The following LTBP1 variants were observed in gnomAD, a reference collection of about 807,000 sequenced individuals.
The protein encoded by LTBP1 is latent transforming growth factor beta binding protein 1.
A neutral mutation model predicts 207.6 loss-of-function variants in LTBP1; 129 were observed. The observed-to-expected ratio is 0.62, with a 90% CI of 0.54 to 0.72. The LOEUF is 0.72. Ranked by LOEUF, LTBP1 falls within the 30% of genes least tolerant of loss-of-function variation. The probability of loss-of-function intolerance (pLI) is 0.00; values close to 1 mark genes in which losing one functional copy is unlikely to be tolerated. For synonymous variants in LTBP1, 963 were observed against 833.7 expected (o/e 1.16, Z -2.67); for missense variants, 2,281 against 2,217.2 (o/e 1.03, Z -0.58).
At chr2:33,386,660 C>G (rs186872371) in intron 31 of LTBP1, among the ~76,000 whole-genome samples, 3 of 152,062 alleles carry the variant, frequency 2.0e-5, no homozygotes, top group African/African-American at 7.2e-5. Flanking sequence ...CCTGTCTCTA[C>G]AAAAAATAAC....
chr2:33,097,206 G>T (rs771749474), intron 3 of LTBP1, among the ~76,000 whole-genome samples: 6 of 152,094 alleles, frequency 3.9e-5, no homozygotes, highest in Non-Finnish European at 8.8e-5. Context: ...CTTTTAAATT[G>T]TGTATGTTTA....
At position 33,000,202 on chromosome 2, in the gene LTBP1, C is replaced by G. The variant is rs1438725650; in HGVS notation, c.566-20707C>G. On this transcript the variant is annotated intron_variant, in intron 2 of 33. Transcript: ENST00000404816. ...AAAGTACAGGGCTCCAGGCCTTGCC[C>G]CAGCTCCTCTAATTCAGTAGGACTG... 1.5e-5 allele frequency among the ~76,000 whole-genome samples: 2 copies of G among 135,328 alleles called. 1 individual carries two copies. The highest frequency in any genetic ancestry group is 3.3e-5 in the Non-Finnish European group (2 of 61,492). 88.8% of individuals were successfully genotyped at this position (135,328 alleles called of 152,430 possible).
chr2:33,215,547 G>C (rs2090609702), intron 7 of LTBP1, among the ~76,000 whole-genome samples: 1 of 152,046 alleles, frequency 6.6e-6, no homozygotes, highest in African/African-American at 2.4e-5. Flanking sequence ...TCAGAATGTT[G>C]CATGCTTGGA....
intron 33 of LTBP1, among the ~76,000 whole-genome samples, chr2:33,397,557 G>T (rs150523476): frequency 2.9e-5 from 4 of 140,232 alleles, no homozygotes; most frequent in Non-Finnish European, 4.5e-5. Context: ...GCCCAGGCTG[G>T]AGTGCAGTGG....
chr2:32,980,057 T>C (rs1373137475), intron 2 of LTBP1, among the ~76,000 whole-genome samples: 1 of 152,140 alleles, frequency 6.6e-6, no homozygotes, highest in African/African-American at 2.4e-5. Context: ...TCAGTCTGTG[T>C]CTTTGTAGAT....
chr2:33,332,371 CCAA>C (rs1201164044), intron 24 of LTBP1, among the ~76,000 whole-genome samples: 1 of 40,664 alleles, frequency 2.5e-5, no homozygotes, highest in African/African-American at 1.2e-4. Context: ...GACACCATCT[CCAA>C]AAAAAAAAAA....
chr2:33,157,090 A>T (rs2084036845), intron 5 of LTBP1, among the ~76,000 whole-genome samples: 2 of 152,152 alleles, frequency 1.3e-5, no homozygotes, highest in South Asian at 4.1e-4. Context: ...GGCAGACATA[A>T]TTTTCCCCCT....
chr2:33,089,862 G>T (rs760591994), intron 3 of LTBP1, among the ~76,000 whole-genome samples: 6 of 152,108 alleles, frequency 3.9e-5, no homozygotes, highest in African/African-American at 7.2e-5. Flanking sequence ...TGCAGTAAAC[G>T]TATACCAAAT....
chr2:33,344,787 G>A (rs753494244), intron 25 of LTBP1, among the ~76,000 whole-genome samples: 2 of 152,174 alleles, frequency 1.3e-5, no homozygotes, highest in South Asian at 4.1e-4. Context: ...GGCAGGGCAC[G>A]ATGCTTGGCT....
intron 9 of LTBP1, among the ~76,000 whole-genome samples, chr2:33,242,852 C>A (rs190940159): frequency 1.3e-5 from 2 of 152,324 alleles, no homozygotes; most frequent in East Asian, 3.9e-4. Flanking sequence ...TTCCTAGAGT[C>A]TGTCTTTGAG....
intron 31 of LTBP1, among the ~76,000 whole-genome samples, chr2:33,372,783 G>A (rs930705118): frequency 2.0e-5 from 3 of 152,166 alleles, no homozygotes; most frequent in Non-Finnish European, 4.4e-5. Flanking sequence ...AGAATTGCTT[G>A]AACCCAGGAG....
At chr2:33,253,022 T>G (rs528927803) in intron 11 of LTBP1, among the ~76,000 whole-genome samples, 178 bp downstream of exon 11, 1 of 152,340 alleles carries the variant, frequency 6.6e-6, no homozygotes, top group East Asian at 1.9e-4. Context: ...GGGAAAAAAT[T>G]ATGTGCAAAG....
chr2:33,073,799 G>A (rs1324354689), intron 3 of LTBP1, among the ~76,000 whole-genome samples: 1 of 152,044 alleles, frequency 6.6e-6, no homozygotes, highest in African/African-American at 2.4e-5. Flanking sequence ...GCTAATTTTT[G>A]TATTTTTAGT....
At chr2:33,109,402 A>G (rs554337525) in intron 3 of LTBP1, among the ~76,000 whole-genome samples, 1 of 152,312 alleles carries the variant, frequency 6.6e-6, no homozygotes, top group South Asian at 2.1e-4. Context: ...TTGCTGCAAA[A>G]CTGCACTGTC....
chr2:33,186,792 G>A, intron 5 of LTBP1, 64 bp from the exon 6 acceptor site: 1 of 1,296,758 alleles, frequency 7.7e-7, no homozygotes, highest in Non-Finnish European at 1.1e-6. Context: ...GGTTTTGTTG[G>A]TTGATCATTA....
rs530101649 is a variant in LTBP1 at position 33,315,285 on chromosome 2, C to T, written c.3730+16C>T. The stretch of plus-strand genomic sequence containing the variant: ...ACGTGTGAAGGTAAGATAAACCATA[C>T]GAAATCATATTGTTGTGTGATAAAA... On this transcript the variant is annotated intron_variant, in intron 24 of 33. Coordinates refer to ENST00000404816, the MANE Select transcript of LTBP1 (RefSeq NM_206943.4). 2.2e-5 allele frequency: 36 copies of T among 1,608,482 alleles called. No individual in the cohort carries two copies. The highest frequency in any genetic ancestry group is 1.7e-4 in the Middle Eastern group (1 of 6,038).
At chr2:33,341,741 T>TATATATATATAC (rs1357530340) in intron 24 of LTBP1, among the ~76,000 whole-genome samples, 2 of 144,072 alleles carry the variant, frequency 1.4e-5, no homozygotes, top group African/African-American at 5.1e-5. Context: ...TATATATATA[T>TATATATATATAC]ATATGTATAT....
chr2:33,247,451 C>G (rs1383439123), intron 10 of LTBP1, among the ~76,000 whole-genome samples: 5 of 152,070 alleles, frequency 3.3e-5, no homozygotes, highest in Non-Finnish European at 5.9e-5. Context: ...AAATTATAGC[C>G]CATGGGAAAA....
intron 19 of LTBP1, among the ~76,000 whole-genome samples, chr2:33,285,306 T>G (rs2093643281): frequency 6.6e-6 from 1 of 151,982 alleles, no homozygotes; most frequent in Admixed American, 6.6e-5. Context: ...TCCCCGAAAG[T>G]GCTGGGATTA....
Sources: allele counts gnomAD v4.1 joint callset (sites outside exome capture counted in the v4.1 genomes callset), GRCh38; gene constraint gnomAD v4.1.1; transcripts MANE v1.5; gene names NCBI Gene and HGNC (gene_info 2026-07-23, HGNC 2026-07-21).